Variants in C3orf52 observed in about 807,000 individuals in gnomAD.
The protein encoded by C3orf52 is TPA-induced transmembrane protein.
A neutral mutation model predicts 24.8 loss-of-function variants in C3orf52; 22 were observed. The ratio of observed to expected loss-of-function variants is 0.89; its 90% CI spans 0.63 to 1.27. The LOEUF (loss-of-function observed/expected upper bound fraction) is 1.27, where lower values mean the gene tolerates loss of function less well. Among genes scored for constraint, C3orf52 ranks in the 50% most tolerant of loss-of-function variants. The pLI, the probability that C3orf52 is intolerant of heterozygous loss-of-function variation, is 0.00. For synonymous variants in C3orf52, 93 were observed against 100.2 expected (o/e 0.93, Z 0.43); for missense variants, 265 against 260.7 (o/e 1.02, Z -0.11).
chr3:112,099,338 A>C (rs2073952314), intron 2 of C3orf52, among the ~76,000 whole-genome samples: 1 of 152,198 alleles, frequency 6.6e-6, no homozygotes, highest in Non-Finnish European at 1.5e-5. Context: ...ACAAACATTC[A>C]GACCATAACA....
chr3:112,093,150 T>C (rs1186049823), intron 1 of C3orf52, among the ~76,000 whole-genome samples: 2 of 152,178 alleles, frequency 1.3e-5, no homozygotes, highest in Non-Finnish European at 2.9e-5. Flanking sequence ...TCCTCCCCAC[T>C]TCAGAGCCCC....
downstream of C3orf52, chr3:112,133,908 C>T (rs1274462612): frequency 5.3e-5 from 8 of 152,162 alleles, no homozygotes; most frequent in African/African-American, 1.9e-4. Context: ...GCCTTGAAAC[C>T]GAAGCCCTAA....
At chr3:112,127,719 G>C (rs746808040) in intron 4 of C3orf52, among the ~76,000 whole-genome samples, 1 of 152,142 alleles carries the variant, frequency 6.6e-6, no homozygotes, top group Non-Finnish European at 1.5e-5. Flanking sequence ...TGTGTGCTTC[G>C]GAACATGCAG....
downstream of C3orf52, chr3:112,133,042 T>G (rs2074495989): frequency 6.3e-7 from 1 of 1,575,408 alleles, no homozygotes; most frequent in African/African-American, 1.4e-5. Context: ...TTCCTTGCTG[T>G]ATTGTCCTGT....
intron 1 of C3orf52, among the ~76,000 whole-genome samples, chr3:112,092,109 A>C (rs184365961): frequency 1.6e-4 from 25 of 151,994 alleles, no homozygotes; most frequent in Non-Finnish European, 5.9e-5. Context: ...GCTTTGTGGG[A>C]TGGTGAACGC....
At chr3:112,086,575 T>G (rs1434479311) in intron 1 of C3orf52, 30 bp downstream of exon 1, 1 of 1,504,320 alleles carries the variant, frequency 6.6e-7, no homozygotes, top group Admixed American at 2.2e-5. Flanking sequence ...GGCCCTAACT[T>G]GCCGGCGGCG....
intron 4 of C3orf52, among the ~76,000 whole-genome samples, chr3:112,124,453 A>G (rs1311136770): frequency 1.3e-5 from 2 of 152,144 alleles, no homozygotes; most frequent in Non-Finnish European, 2.9e-5. Context: ...TACTGAAAAT[A>G]CAAAAATTAG....
At chr3:112,088,667 C>G (rs2073851278) in intron 1 of C3orf52, among the ~76,000 whole-genome samples, 1 of 134,326 alleles carries the variant, frequency 7.4e-6, no homozygotes, top group Non-Finnish European at 1.6e-5. Flanking sequence ...TTTATTCTAT[C>G]TATCTATCTA....
intron 4 of C3orf52, among the ~76,000 whole-genome samples, chr3:112,126,459 C>T (rs944868251): frequency 2.6e-5 from 4 of 152,174 alleles, no homozygotes; most frequent in African/African-American, 9.7e-5. Context: ...TCACCAGAGA[C>T]TACTGCACCA....
intron 3 of C3orf52, among the ~76,000 whole-genome samples, chr3:112,106,466 C>G (rs1409036311): frequency 6.6e-6 from 1 of 152,064 alleles, no homozygotes; most frequent in African/African-American, 2.4e-5. Flanking sequence ...CAGCAGCCCG[C>G]CAAGAGTTGC....
chr3:112,091,964 G>A (rs1434603363), intron 1 of C3orf52, among the ~76,000 whole-genome samples: 1 of 151,440 alleles, frequency 6.6e-6, no homozygotes, highest in African/African-American at 2.4e-5. Flanking sequence ...AGATCGTGCT[G>A]CTGCACTCCA....
downstream of C3orf52, chr3:112,132,574 G>A (rs2074483074): frequency 1.3e-6 from 1 of 754,334 alleles, no homozygotes; most frequent in Non-Finnish European, 1.6e-6. Context: ...AAAATAAAGA[G>A]GCTGAGGTCC....
chr3:112,106,331 G>A (rs973813356), intron 3 of C3orf52, among the ~76,000 whole-genome samples: 3 of 151,942 alleles, frequency 2.0e-5, no homozygotes, highest in East Asian at 1.9e-4. Context: ...GGCCTCAAGC[G>A]ATTCTCCCTG....
At chr3:112,134,336 G>T (rs6789852), downstream of C3orf52, 114 of 152,204 alleles carry the variant, frequency 7.5e-4, no homozygotes, top group African/African-American at 2.7e-3. Flanking sequence ...CATTGAGTGG[G>T]TTAACACTTA....
At chr3:112,135,904 C>A (rs2107822666), downstream of C3orf52, among the ~76,000 whole-genome samples, 1 of 152,250 alleles carries the variant, frequency 6.6e-6, no homozygotes, top group South Asian at 2.1e-4. Flanking sequence ...AAATACTACT[C>A]CCACCTAACC....
chr3:112,128,172 C>T (rs771310830), intron 4 of C3orf52: 3 of 884,358 alleles, frequency 3.4e-6, no homozygotes, highest in South Asian at 1.4e-5. Context: ...TCCCCGCAAG[C>T]GTGTTTCATT....
At position 112,116,644 on chromosome 3, in the gene C3orf52, T is replaced by C; in HGVS notation, c.652T>C (p.Ter218ArgextTer72). Residue 218 changes from the stop codon to arginine, a stop_lost and splice_region_variant, in exon 6 of 6, where the codon TGA (stop) becomes CGA (arginine). Coordinates refer to ENST00000264848, the MANE Select transcript of C3orf52 (RefSeq NM_024616.3). Reference protein sequence around the residue: ...LDPTSLLLYE* With the variant: ...LDPTSLLLYER ...GTTCATCTGTGTTTTCTTTTTAGAA[T>C]GAAGTGATGGAGGCTGGTCTCTGTC... The C allele has an allele frequency of 6.4e-7, 1 of 1,570,484 alleles. No homozygotes were observed. Among genetic ancestry groups the C allele is most frequent in the Non-Finnish European group, 8.7e-7 (1 of 1,155,308 alleles).
intron 2 of C3orf52, among the ~76,000 whole-genome samples, chr3:112,101,152 C>G (rs2073969059): frequency 1.3e-5 from 2 of 152,142 alleles, no homozygotes; most frequent in African/African-American, 4.8e-5. Context: ...CAAGATTACT[C>G]CTAGATTCAA....
At chr3:112,093,565 A>G in intron 2 of C3orf52, 76 bp downstream of exon 2, 1 of 1,354,716 alleles carries the variant, frequency 7.4e-7, no homozygotes, top group Non-Finnish European at 1.0e-6. Context: ...CTGAAATGGA[A>G]GATGTACTCA....
Sources: allele counts gnomAD v4.1 joint callset (sites outside exome capture counted in the v4.1 genomes callset), GRCh38; gene constraint gnomAD v4.1.1; transcripts MANE v1.5; gene names NCBI Gene and HGNC (gene_info 2026-07-23, HGNC 2026-07-21).